Variants in MACROD2 observed in about 807,000 individuals in gnomAD.
MACROD2 encodes mono-ADP ribosylhydrolase 2, also known as ADP-ribose glycohydrolase MACROD2.
In MACROD2, 36 loss-of-function variants were observed where a neutral mutation model predicts 70.4. The observed-to-expected ratio is 0.51, with a 90% CI of 0.39 to 0.68. MACROD2 has a LOEUF of 0.68. Ranked by LOEUF, MACROD2 falls within the 30% of genes least tolerant of loss-of-function variation. The pLI is 0.00. For missense variants in MACROD2, 496 were observed against 538.4 expected (o/e 0.92, Z 0.78); for synonymous variants, 172 against 178.8 (o/e 0.96, Z 0.30).
chr20:15,769,776 C>G (rs2051591450), intron 8 of MACROD2, among the ~76,000 whole-genome samples: 1 of 152,156 alleles, frequency 6.6e-6, no homozygotes, highest in African/African-American at 2.4e-5. Context: ...TCCATATTTA[C>G]TTCTCTTCGA....
At chr20:14,282,295 A>G (rs577811410) in intron 3 of MACROD2, among the ~76,000 whole-genome samples, 5 of 152,202 alleles carry the variant, frequency 3.3e-5, no homozygotes, top group Non-Finnish European at 5.9e-5. Flanking sequence ...CTTAAAGGTT[A>G]GTTGAATGTA....
At chr20:15,296,252 T>C (rs1042837821) in intron 6 of MACROD2, among the ~76,000 whole-genome samples, 1 of 152,148 alleles carries the variant, frequency 6.6e-6, no homozygotes, top group Non-Finnish European at 1.5e-5. Flanking sequence ...TGGAAAATTC[T>C]ACAGATCAAA....
chr20:14,032,115 T>C (rs979815988), intron 2 of MACROD2, among the ~76,000 whole-genome samples: 8 of 152,098 alleles, frequency 5.3e-5, no homozygotes, highest in African/African-American at 1.9e-4. Context: ...TGAGGCTTGT[T>C]TTTTTCTCAC....
chr20:15,565,776 C>T (rs979903905), intron 8 of MACROD2, among the ~76,000 whole-genome samples: 5 of 152,092 alleles, frequency 3.3e-5, no homozygotes, highest in Admixed American at 1.3e-4. Context: ...ATTTTACAGA[C>T]GCGGTCTGGC....
At chr20:15,142,667 C>T (rs1568598242) in intron 5 of MACROD2, among the ~76,000 whole-genome samples, 2 of 142,706 alleles carry the variant, frequency 1.4e-5, no homozygotes, top group African/African-American at 5.2e-5. Context: ...CTCCCTCCCC[C>T]CACCCCATGA....
intron 3 of MACROD2, among the ~76,000 whole-genome samples, chr20:14,191,572 T>C (rs1295969135): frequency 6.6e-6 from 1 of 151,904 alleles, no homozygotes; most frequent in African/African-American, 2.4e-5. Context: ...TTTTGAGAAA[T>C]AGAGAAGGGT....
intron 4 of MACROD2, among the ~76,000 whole-genome samples, chr20:14,546,940 G>T (rs75628370): frequency 0.01 from 1,549 of 151,144 alleles, 27 homozygotes; most frequent in African/African-American, 0.036. Context: ...TTTTTTTCAA[G>T]ATCTAAATAC....
At chr20:15,522,439 C>T (rs1420431971) in intron 8 of MACROD2, among the ~76,000 whole-genome samples, 4 of 152,210 alleles carry the variant, frequency 2.6e-5, no homozygotes, top group African/African-American at 9.6e-5. Context: ...TAAACCCCTG[C>T]TACAGTTATT....
chr20:14,401,569 C>T (rs541513024), intron 3 of MACROD2, among the ~76,000 whole-genome samples: 1 of 152,198 alleles, frequency 6.6e-6, no homozygotes, highest in East Asian at 1.9e-4. Flanking sequence ...GTGTTAATTG[C>T]CTTTTTTGAC....
intron 3 of MACROD2, among the ~76,000 whole-genome samples, chr20:14,186,830 T>A (rs2081348523): frequency 6.6e-6 from 1 of 152,118 alleles, no homozygotes; most frequent in African/African-American, 2.4e-5. Flanking sequence ...TTTTCCTGAG[T>A]GAACTAACAC....
At chr20:14,559,897 T>C (rs550344486) in intron 4 of MACROD2, among the ~76,000 whole-genome samples, 3 of 148,944 alleles carry the variant, frequency 2.0e-5, no homozygotes, top group African/African-American at 7.8e-5. Context: ...CTCTTCTCTG[T>C]CTCTCCGGTG....
At position 15,312,033 on chromosome 20, in the gene MACROD2, A is replaced by C. The variant is rs142935005; in HGVS notation, c.540+81972A>C. Among the ~76,000 whole-genome samples the C allele has an allele frequency of 4.4e-3, 671 of 152,314 alleles. 3 individuals carry two copies. Among genetic ancestry groups the C allele is most frequent in the African/African-American group, 0.015 (629 of 41,570 alleles). On this transcript the variant is annotated intron_variant, in intron 6 of 17. Coordinates refer to ENST00000684519, the MANE Select transcript of MACROD2 (RefSeq NM_001351661.2). ...AGAATATCATCAAATAATCTAAATA[A>C]ACAAAAAAAATTAAAGAGAGATAAA...
intron 8 of MACROD2, among the ~76,000 whole-genome samples, chr20:15,560,780 A>G (rs1483598310): frequency 6.7e-6 from 1 of 150,356 alleles, no homozygotes; most frequent in East Asian, 2.0e-4. Context: ...AAAAAAAAAA[A>G]AAAAAAAAAA....
intron 8 of MACROD2, among the ~76,000 whole-genome samples, chr20:15,705,292 T>A (rs952535841): frequency 3.1e-4 from 47 of 152,148 alleles, no homozygotes; most frequent in African/African-American, 1.1e-3. Context: ...GAGAGAGGAT[T>A]CAGGTATTGG....
At chr20:14,333,979 A>G (rs1325928632) in intron 3 of MACROD2, among the ~76,000 whole-genome samples, 1 of 152,214 alleles carries the variant, frequency 6.6e-6, no homozygotes, top group Non-Finnish European at 1.5e-5. Context: ...AAAAGCTGTC[A>G]TTGTCTCATC....
At position 15,704,511 on chromosome 20, in the gene MACROD2, T is replaced by A. The variant is rs528039140; in HGVS notation, c.646-158234T>A. ...TTAATATGGTGTATTTGATAGATGT[T>A]AGAGATCAGTGTCTACCAGAGCAGT... On this transcript the variant is annotated intron_variant, in intron 8 of 17. Transcript: ENST00000684519. Among the ~76,000 whole-genome samples, 8 of 152,322 alleles carry A rather than the reference T, an allele frequency of 5.3e-5. No homozygotes were observed. In the South Asian group the frequency reaches 1.7e-3, roughly 32 times the overall value.
chr20:15,617,273 G>C (rs527316937), intron 8 of MACROD2, among the ~76,000 whole-genome samples: 34 of 152,278 alleles, frequency 2.2e-4, no homozygotes, highest in African/African-American at 7.5e-4. Context: ...CAACAGACAT[G>C]ATTAGATCAT....
intron 3 of MACROD2, among the ~76,000 whole-genome samples, chr20:14,353,588 G>T (rs1483668735): frequency 6.6e-6 from 1 of 152,032 alleles, no homozygotes; most frequent in Non-Finnish European, 1.5e-5. Context: ...CTTAAATAAA[G>T]AAAGCTATCA....
At chr20:15,039,928 G>C (rs572645808) in intron 5 of MACROD2, among the ~76,000 whole-genome samples, 6 of 152,248 alleles carry the variant, frequency 3.9e-5, no homozygotes, top group Admixed American at 3.9e-4. Context: ...GTAGGTGTCT[G>C]AGTCCTTGCT....
Sources: gnomAD v4.1 joint callset for allele counts (sites outside exome capture counted in the v4.1 genomes callset) on GRCh38, gnomAD v4.1.1 for gene constraint, MANE v1.5 for transcripts, NCBI Gene and HGNC (gene_info 2026-07-23, HGNC 2026-07-21) for gene names.